MROH2B: variants seen among roughly 807,000 people sequenced by gnomAD.
MROH2B encodes the protein maestro heat like repeat family member 2B, also known as maestro heat-like repeat-containing protein family member 2B.
Under a neutral mutation model 208.6 loss-of-function variants are expected in MROH2B, and 177 were observed. That is an observed-to-expected ratio of 0.85 (90% CI 0.75 to 0.96). The LOEUF is 0.96. Among genes scored for constraint, MROH2B ranks in the 40% least tolerant of loss-of-function variants. The pLI is 0.00. For missense variants in MROH2B, 2,002 were observed against 1,878.7 expected, an observed-to-expected ratio of 1.07 and a Z score of -1.21; for synonymous variants, 728 against 659.0, an observed-to-expected ratio of 1.10 and a Z score of -1.60.
chr5:41,018,750 G>A lies in MROH2B; in HGVS notation c.2614C>T (p.Leu872Phe), dbSNP rs1381704689. The change falls in exon 26 of 42, where the codon CTT (leucine) becomes TTT (phenylalanine). Residue 872 changes from leucine (L) to phenylalanine (F), a missense_variant. Leu to Phe is a conservative substitution (Grantham distance 22, BLOSUM62 0). Transcript: ENST00000399564. The part of the protein sequence containing the change: ...YERSMDALGK[L>F]LKTMMWDNVN... ...TTATCCCACATCATGGTCTTCAGAA[G>A]TTTTCCTAGGGCGTCCATGGATCGT... 2 of 1,613,686 alleles carry A rather than the reference G, an allele frequency of 1.2e-6. No homozygotes were observed. Among genetic ancestry groups the A allele is most frequent in the Non-Finnish European group, 8.5e-7 (1 of 1,179,820 alleles).
At chr5:41,003,588 A>G (rs1446370528) in intron 37 of MROH2B, among the ~76,000 whole-genome samples, 3 of 152,286 alleles carry the variant, frequency 2.0e-5, no homozygotes, top group Non-Finnish European at 4.4e-5. Flanking sequence ...ATATTTAATG[A>G]GCAGAAAAAT....
At chr5:41,032,219 C>T (rs1364629963) in intron 24 of MROH2B, among the ~76,000 whole-genome samples, 1 of 152,126 alleles carries the variant, frequency 6.6e-6, no homozygotes, top group African/African-American at 2.4e-5. Context: ...TTCCTTTTCT[C>T]CACAACCTTA....
intron 24 of MROH2B, among the ~76,000 whole-genome samples, chr5:41,031,113 G>T (rs1413570096): frequency 6.6e-6 from 1 of 152,042 alleles, no homozygotes; most frequent in East Asian, 1.9e-4. Context: ...GAGCTATAAA[G>T]AAATACCCGA....
chr5:41,013,925 G>C (rs1741853230), intron 29 of MROH2B, among the ~76,000 whole-genome samples: 1 of 152,132 alleles, frequency 6.6e-6, no homozygotes, highest in East Asian at 1.9e-4. Context: ...CTGGAGTCTT[G>C]CAGTTTCCTA....
intron 41 of MROH2B, 84 bp downstream of exon 41, chr5:40,998,528 C>T: frequency 8.8e-7 from 1 of 1,134,058 alleles, no homozygotes; most frequent in Non-Finnish European, 1.3e-6. Flanking sequence ...AAGTTCTGGG[C>T]TGACGTGGAA....
chr5:41,066,829 C>T (rs1325169206), intron 3 of MROH2B, among the ~76,000 whole-genome samples: 2 of 152,146 alleles, frequency 1.3e-5, no homozygotes, highest in African/African-American at 2.4e-5. Flanking sequence ...TGTCAATAGA[C>T]AGCTGTGTTA....
intron 19 of MROH2B, among the ~76,000 whole-genome samples, chr5:41,041,236 T>C (rs1742936598): frequency 1.3e-5 from 2 of 152,214 alleles, no homozygotes; most frequent in African/African-American, 4.8e-5. Context: ...TCTTATAATT[T>C]CTGAGGAGAA....
rs760948929 is a variant in MROH2B at position 41,008,625 on chromosome 5, G to A, written c.3589C>T (p.Gln1197Ter). 6 of 1,613,780 alleles carry A rather than the reference G, an allele frequency of 3.7e-6. No homozygotes were observed. Among genetic ancestry groups the A allele is most frequent in the Non-Finnish European group, 4.2e-6 (5 of 1,179,794 alleles). The change falls in exon 33 of 42, where the codon CAG becomes TAG. Residue 1197 changes from glutamine (Q) to a stop codon, truncating the protein, a stop_gained. Coordinates refer to ENST00000399564, the MANE Select transcript of MROH2B (RefSeq NM_173489.5). LOFTEE classifies it high-confidence loss of function. ...RHVMQQGEQQ[Q>*]IPDPCRLSTA... ...GTTTACCTGCAGGGGTCTGGGATCT[G>A]CTGCTGTTCTCCCTGCTGCATCACA...
chr5:41,041,175 T>C (rs759238401), intron 19 of MROH2B, among the ~76,000 whole-genome samples: 2 of 152,216 alleles, frequency 1.3e-5, no homozygotes, highest in African/African-American at 2.4e-5. Flanking sequence ...AAAAGTTCAG[T>C]AAAGTCTAGT....
At chr5:41,000,066 G>A in intron 39 of MROH2B, 154 bp downstream of exon 39, 1 of 991,534 alleles carries the variant, frequency 1.0e-6, no homozygotes, top group South Asian at 1.7e-5. Flanking sequence ...ATACCTCTAT[G>A]TCACTATATC....
At position 41,048,379 on chromosome 5, in the gene MROH2B, T is replaced by G. The variant is rs1743187420; in HGVS notation, c.1629A>C (p.Pro543=). The G allele has an allele frequency of 6.2e-7, 1 of 1,613,742 alleles. No homozygotes were observed. Among genetic ancestry groups the G allele is most frequent in the East Asian group, 2.2e-5 (1 of 44,874 alleles). The change falls in exon 16 of 42, where the codon CCA becomes CCC. Residue 543 remains proline (P), a synonymous_variant. Transcript: ENST00000399564. ...GTGTTTTCCATAGGTCTACCAATTT[T>G]GGGTGAATTATCTCAGGCAGTATCT... ...LLKILPEIIH[P]KLVDLWKTRL...
intron 10 of MROH2B, 40 bp downstream of exon 10, chr5:41,055,702 G>T (rs775709166): frequency 6.0e-6 from 9 of 1,494,208 alleles, no homozygotes; most frequent in African/African-American, 4.1e-5. Flanking sequence ...CTGCTTCTTG[G>T]CATGAAATAA....
chr5:40,999,271 C>A (rs1231324820), intron 40 of MROH2B, among the ~76,000 whole-genome samples: 1 of 152,188 alleles, frequency 6.6e-6, no homozygotes. Context: ...ATACTTCCCA[C>A]TTGTATCATG....
At position 41,018,901 on chromosome 5, in the gene MROH2B, C is replaced by A. The variant is rs938166082; in HGVS notation, c.2559G>T (p.Lys853Asn). The A allele has an allele frequency of 6.2e-7, 1 of 1,613,886 alleles. No individual in the cohort carries two copies. Among genetic ancestry groups the A allele is most frequent in the Admixed American group, 1.7e-5 (1 of 59,956 alleles). Residue 853 changes from lysine to asparagine, a missense_variant, in exon 25 of 42, where the codon AAG becomes AAT. Lys to Asn is a moderately conservative substitution (Grantham distance 94). Transcript: ENST00000399564. ...ENLKSEGQTD[K>N]DKEHIQFLYE... Reference sequence around the variant, plus strand: ...TGCATACTTGAATGTGCTCCTTGTCCTTGTCTGTCTGGCCTTCACTTTTCA... The same window carrying A: ...TGCATACTTGAATGTGCTCCTTGTCATTGTCTGTCTGGCCTTCACTTTTCA...
chr5:41,009,753 G>C (rs1347166901), intron 31 of MROH2B, among the ~76,000 whole-genome samples, 169 bp downstream of exon 31: 1 of 152,090 alleles, frequency 6.6e-6, no homozygotes, highest in Non-Finnish European at 1.5e-5. Context: ...TATATGAAAA[G>C]CACTTGGAAA....
At chr5:41,011,637 G>T (rs905756346) in intron 30 of MROH2B, among the ~76,000 whole-genome samples, 1 of 151,722 alleles carries the variant, frequency 6.6e-6, no homozygotes. Context: ...CTCTCTTTGA[G>T]TTGCTTTCAT....
chr5:40,999,729 GGTGAAGGAGT>G lies in MROH2B; in HGVS notation c.4523_4532del (p.His1508ProfsTer9), dbSNP rs1301813523. On this transcript the variant is annotated frameshift_variant, in exon 40 of 42. Transcript: ENST00000399564. LOFTEE classifies it high-confidence loss of function. The stretch of plus-strand genomic sequence containing the variant: ...TCACCTCCCAGGTGCTGGTGAAGAA[GGTGAAGGAGT>G]GTGTGTGGAGGATCCACAGAATTTC... The G allele has an allele frequency of 9.3e-6, 15 of 1,613,642 alleles. No individual in the cohort carries two copies. Among genetic ancestry groups the G allele is most frequent in the Non-Finnish European group, 1.3e-5 (15 of 1,179,718 alleles).
chr5:41,069,444 G>A (rs1208129008), intron 2 of MROH2B, among the ~76,000 whole-genome samples: 1 of 152,100 alleles, frequency 6.6e-6, no homozygotes, highest in East Asian at 1.9e-4. Flanking sequence ...ACATCTGCCT[G>A]TATAAAGTTA....
intron 17 of MROH2B, among the ~76,000 whole-genome samples, chr5:41,047,127 G>A (rs913823907): frequency 6.6e-6 from 1 of 152,114 alleles, no homozygotes; most frequent in Non-Finnish European, 1.5e-5. Context: ...CCTCCTGCAA[G>A]TTTCTGAAGT....
Sources: allele counts gnomAD v4.1 joint callset (sites outside exome capture counted in the v4.1 genomes callset), GRCh38; gene constraint gnomAD v4.1.1; transcripts MANE v1.5; gene names NCBI Gene and HGNC (gene_info 2026-07-23, HGNC 2026-07-21).